Variants in SLCO1A2 observed in about 807,000 individuals in gnomAD.
SLCO1A2 encodes the protein OATP-1.
A neutral mutation model predicts 69.0 loss-of-function variants in SLCO1A2; 67 were observed. That is an observed-to-expected ratio of 0.97 (90% CI 0.80 to 1.19). SLCO1A2 has a LOEUF of 1.19. Ranked by LOEUF, SLCO1A2 falls within the 50% of genes most tolerant of loss-of-function variation. The pLI, the probability that SLCO1A2 is intolerant of heterozygous loss-of-function variation, is 0.00. For missense variants in SLCO1A2, 787 were observed against 793.7 expected, an observed-to-expected ratio of 0.99 and a Z score of 0.10; for synonymous variants, 260 against 265.9, an observed-to-expected ratio of 0.98 and a Z score of 0.22.
intron 2 of SLCO1A2, among the ~76,000 whole-genome samples, chr12:21,367,798 A>T (rs756275354): frequency 2.0e-5 from 3 of 152,118 alleles, no homozygotes; most frequent in Non-Finnish European, 4.4e-5. Flanking sequence ...AACATGGGAT[A>T]ATTTTAATAT....
At chr12:21,383,752 G>A (rs2041613) in intron 1 of SLCO1A2, among the ~76,000 whole-genome samples, 151,433 of 152,148 alleles carry the variant, frequency 1, 75,363 homozygotes, top group East Asian at 1. Flanking sequence ...AGAAGTTCAC[G>A]GGTTCTACCT....
chr12:21,336,017 A>G (rs1952874533), upstream of SLCO1A2, among the ~76,000 whole-genome samples: 1 of 152,098 alleles, frequency 6.6e-6, no homozygotes, highest in African/African-American at 2.4e-5. Flanking sequence ...TTGGAATAGA[A>G]CCAGACAGTG....
intron 1 of SLCO1A2, among the ~76,000 whole-genome samples, chr12:21,377,013 CA>C (rs575029929): frequency 6.6e-6 from 1 of 151,550 alleles, no homozygotes; most frequent in African/African-American, 2.4e-5. Context: ...AAAAGGCTGT[CA>C]AAAAAATAGA....
At chr12:21,273,549 G>A (rs779177927) in intron 14 of SLCO1A2, among the ~76,000 whole-genome samples, 114 of 152,224 alleles carry the variant, frequency 7.5e-4, no homozygotes, top group Non-Finnish European at 1.1e-3. Flanking sequence ...AGCCAAGTCC[G>A]TTTAATGTGT....
chr12:21,400,892 G>T (rs1306372553), intron 1 of SLCO1A2, among the ~76,000 whole-genome samples: 8 of 111,218 alleles, frequency 7.2e-5, no homozygotes, highest in East Asian at 3.4e-4. Flanking sequence ...TGGGGGGAGG[G>T]GGGAGGGATA....
intron 1 of SLCO1A2, among the ~76,000 whole-genome samples, chr12:21,417,389 AT>A (rs1565536289): frequency 6.7e-6 from 1 of 150,152 alleles, no homozygotes; most frequent in Non-Finnish European, 1.5e-5. Context: ...TAAGAAAGCT[AT>A]TTTTTTAAGT....
chr12:21,323,007 T>C (rs755478829), intron 2 of SLCO1A2, among the ~76,000 whole-genome samples: 6 of 152,184 alleles, frequency 3.9e-5, no homozygotes, highest in Admixed American at 1.3e-4. Context: ...GGACCCCCTA[T>C]GGCCAAGGTA....
intron 5 of SLCO1A2, 127 bp downstream of exon 5, chr12:21,306,755 G>A: frequency 3.6e-6 from 2 of 563,372 alleles, no homozygotes. Context: ...TCCTTTGGAA[G>A]TTCCTGGAGA....
At chr12:21,294,266 G>A (rs1025293029) in intron 10 of SLCO1A2, 156 bp from the exon 11 acceptor site, 8 of 528,898 alleles carry the variant, frequency 1.5e-5, no homozygotes, top group Non-Finnish European at 2.2e-5. Context: ...CTATAGCTTT[G>A]GTATAAAAGA....
rs3833795 is a variant in SLCO1A2 at position 21,304,580 on chromosome 12, TA to T, written c.443-8del. The T allele has an allele frequency of 0.24, 307,971 of 1,297,740 alleles. 29,173 individuals are homozygous for T. The highest frequency in any genetic ancestry group is 0.53 in the African/African-American group (36,757 of 68,828). 80.4% of individuals were successfully genotyped at this position (1,297,740 alleles called of 1,614,324 possible). On this transcript the variant is annotated splice_polypyrimidine_tract_variant and splice_region_variant and intron_variant, in intron 5 of 14. Coordinates refer to ENST00000683939, the MANE Select transcript of SLCO1A2 (RefSeq NM_001386879.1). ...TTAACTTCCTTTGTACACTCTGCAT[TA>T]AAAAAAAAAGACATGACATTAGTGC...
At chr12:21,342,831 G>C (rs1953118018) in intron 2 of SLCO1A2, among the ~76,000 whole-genome samples, 1 of 151,966 alleles carries the variant, frequency 6.6e-6, no homozygotes, top group Non-Finnish European at 1.5e-5. Flanking sequence ...GAATATATGG[G>C]ATGAAAGAGG....
chr12:21,398,822 C>A (rs1225041047), upstream of SLCO1A2, among the ~76,000 whole-genome samples: 1 of 149,146 alleles, frequency 6.7e-6, no homozygotes. Context: ...CAAAATTCAA[C>A]AACCCTTCAT....
At chr12:21,357,528 A>G (rs1219483370) in intron 2 of SLCO1A2, among the ~76,000 whole-genome samples, 3 of 152,204 alleles carry the variant, frequency 2.0e-5, no homozygotes, top group African/African-American at 7.2e-5. Context: ...TTTTGTCCCA[A>G]CTGGTTGGAA....
In SLCO1A2 at chr12:21,366,320, G is replaced by T. The variant is rs555568370; in HGVS notation, c.-63+8079C>A. Among the ~76,000 whole-genome samples the T allele has an allele frequency of 4.1e-5, 6 of 145,186 alleles. No individual in the cohort carries two copies. In the East Asian group the frequency reaches 1.3e-3, roughly 32 times the overall value. ...AAGGACAAAAAACCAAACACCACAT[G>T]TTCTCACTCATAGGTGAGAATTGAA... On this transcript the variant is annotated intron_variant, in intron 2 of 15. Coordinates refer to the SLCO1A2 transcript ENST00000307378.
intron 2 of SLCO1A2, chr12:21,373,857 T>C: frequency 1.9e-6 from 1 of 520,056 alleles, no homozygotes; most frequent in Non-Finnish European, 3.4e-6. Flanking sequence ...TTTCCTCAGA[T>C]GTCTCTGGAA....
intron 2 of SLCO1A2, among the ~76,000 whole-genome samples, chr12:21,328,481 T>C (rs772200378): frequency 2.2e-4 from 34 of 152,298 alleles, no homozygotes; most frequent in Middle Eastern, 3.4e-3. Flanking sequence ...CTAGGCTGGA[T>C]AGATGCCTAT....
At chr12:21,345,713 T>C (rs1480196539) in intron 2 of SLCO1A2, among the ~76,000 whole-genome samples, 1 of 152,146 alleles carries the variant, frequency 6.6e-6, no homozygotes, top group Non-Finnish European at 1.5e-5. Flanking sequence ...AGTAAATTGA[T>C]AACAGAATTA....
At chr12:21,326,789 T>G (rs1287226544) in intron 2 of SLCO1A2, among the ~76,000 whole-genome samples, 4 of 152,214 alleles carry the variant, frequency 2.6e-5, no homozygotes, top group Non-Finnish European at 4.4e-5. Context: ...TCAGTTTTAT[T>G]AATTCACAAA....
chr12:21,328,772 A>T (rs1414623755), intron 2 of SLCO1A2, among the ~76,000 whole-genome samples: 1 of 152,148 alleles, frequency 6.6e-6, no homozygotes, highest in African/African-American at 2.4e-5. Flanking sequence ...ACTAGTCCCA[A>T]GACCAAAAAA....
Sources: gnomAD v4.1 joint callset for allele counts (sites outside exome capture counted in the v4.1 genomes callset) on GRCh38, gnomAD v4.1.1 for gene constraint, MANE v1.5 for transcripts, NCBI Gene and HGNC (gene_info 2026-07-23, HGNC 2026-07-21) for gene names.